Variants in GANC observed in about 807,000 individuals in gnomAD.
GANC encodes the protein glucosidase alpha, neutral C.
GANC carries 117 observed loss-of-function variants against 124.2 expected under a neutral mutation model. The ratio of observed to expected loss-of-function variants is 0.94; its 90% CI spans 0.81 to 1.10. The LOEUF (loss-of-function observed/expected upper bound fraction) is 1.10, where lower values mean the gene tolerates loss of function less well. Among genes scored for constraint, GANC ranks in the 50% least tolerant of loss-of-function variants. The pLI, the probability that GANC is intolerant of heterozygous loss-of-function variation, is 0.00. For synonymous variants in GANC, 377 were observed against 376.8 expected, an observed-to-expected ratio of 1.00 and a Z score of -0.01; for missense variants, 1,140 against 1,095.0, an observed-to-expected ratio of 1.04 and a Z score of -0.58.
chr15:42,304,430 A>G (rs902480539), intron 6 of GANC, among the ~76,000 whole-genome samples: 1 of 152,220 alleles, frequency 6.6e-6, no homozygotes, highest in African/African-American at 2.4e-5. Flanking sequence ...GACCTCTTCA[A>G]GGAGAACTAC....
chr15:42,339,827 G>C lies in GANC; in HGVS notation c.2002G>C (p.Glu668Gln). The C allele has an allele frequency of 6.2e-7, 1 of 1,614,166 alleles. No homozygotes were observed. The highest frequency in any genetic ancestry group is 8.5e-7 in the Non-Finnish European group (1 of 1,180,022). ...GGAGGAACACACCCGACTCATCCGA[G>C]AAGCCATCAGAGAGCGCTATGGCCT... ...FGEEHTRLIR[E>Q]AIRERYGLLP... is the part of the protein sequence containing the mutation. Residue 668 changes from glutamate to glutamine, a missense_variant, in exon 17 of 24, where the codon GAA becomes CAA. Transcript: ENST00000318010.
At chr15:42,343,216 T>G in intron 19 of GANC, 62 bp downstream of exon 19, 1 of 1,399,600 alleles carries the variant, frequency 7.1e-7, no homozygotes, top group Non-Finnish European at 1.0e-6. Context: ...TCTTTTCTTT[T>G]AGGAAAGAGA....
At chr15:42,293,256 A>G (rs2051859597) in intron 5 of GANC, among the ~76,000 whole-genome samples, 2 of 152,218 alleles carry the variant, frequency 1.3e-5, no homozygotes, top group Admixed American at 6.5e-5. Flanking sequence ...CTCCCTTGCA[A>G]TAACACAAAT....
chr15:42,283,781 T>C, intron 3 of GANC: 1 of 702,572 alleles, frequency 1.4e-6, no homozygotes, highest in Non-Finnish European at 2.6e-6. Context: ...CAACTACCGC[T>C]TATTAGCCAG....
At chr15:42,318,602 G>A (rs1189449049) in intron 10 of GANC, among the ~76,000 whole-genome samples, 2 of 152,028 alleles carry the variant, frequency 1.3e-5, no homozygotes, top group Non-Finnish European at 2.9e-5. Flanking sequence ...TTGTTTGTTT[G>A]TTTGAGTCAG....
At chr15:42,333,129 A>G (rs1432525298) in intron 15 of GANC, among the ~76,000 whole-genome samples, 1 of 151,044 alleles carries the variant, frequency 6.6e-6, no homozygotes, top group Non-Finnish European at 1.5e-5. Context: ...GGAGTTTGAG[A>G]CCAGCCTGGG....
intron 15 of GANC, among the ~76,000 whole-genome samples, chr15:42,331,580 C>T (rs889178696): frequency 6.6e-6 from 1 of 152,144 alleles, no homozygotes; most frequent in African/African-American, 2.4e-5. Flanking sequence ...ATTATTAAGC[C>T]TCCCACTCCA....
At position 42,352,476 on chromosome 15, in the gene GANC, G is replaced by A; in HGVS notation, c.*337G>A. The A allele has an allele frequency of 9.5e-7, 1 of 1,049,268 alleles. No individual in the cohort carries two copies. Among genetic ancestry groups the A allele is most frequent in the Non-Finnish European group, 1.2e-6 (1 of 867,710 alleles). The allele number at this position is 1,049,268 out of a possible 1,614,324, so 65.0% of individuals were successfully genotyped here. On this transcript the variant is annotated 3_prime_UTR_variant, in exon 24 of 24. Transcript: ENST00000318010. The stretch of plus-strand genomic sequence containing the variant: ...TTTTAACGTGGGCCAAGCCTACCTG[G>A]GCAGCCCATTTGCCAGGGCTTGCCT...
intron 10 of GANC, among the ~76,000 whole-genome samples, chr15:42,315,857 A>G (rs2052096687): frequency 6.6e-6 from 1 of 152,088 alleles, no homozygotes; most frequent in Non-Finnish European, 1.5e-5. Flanking sequence ...CTTCAGGCTC[A>G]AGCTGCAACA....
intron 3 of GANC, among the ~76,000 whole-genome samples, chr15:42,281,386 GAA>G (rs1258776082): frequency 6.6e-6 from 1 of 152,116 alleles, no homozygotes; most frequent in Non-Finnish European, 1.5e-5. Context: ...ATTGCATAGT[GAA>G]AGAGCCTCTA....
At chr15:42,319,215 A>G (rs1181357556) in intron 10 of GANC, among the ~76,000 whole-genome samples, 2 of 152,014 alleles carry the variant, frequency 1.3e-5, no homozygotes, top group Admixed American at 1.3e-4. Flanking sequence ...AACATTTATT[A>G]TCCTGAAATG....
At chr15:42,316,595 A>C (rs11631756) in intron 10 of GANC, among the ~76,000 whole-genome samples, 138,475 of 152,202 alleles carry the variant, frequency 0.91, 64,353 homozygotes, top group Non-Finnish European at 1. Context: ...CTATGAACTT[A>C]AAAGAGAAAC....
intron 22 of GANC, 68 bp downstream of exon 22, chr15:42,349,563 T>C (rs894508511): frequency 2.4e-5 from 20 of 819,120 alleles, no homozygotes; most frequent in Non-Finnish European, 3.8e-5. Flanking sequence ...CATCCTCAAA[T>C]CAAATGCACA....
Position 42,273,245 on chromosome 15 carries a change from G to T in GANC, c.-1237G>T, listed in dbSNP as rs368047226. ...CTCTAGGTTCAGACGTTAGTGAAGT[G>T]AATACTCACCGACGGTATCGGAATG... On this transcript the variant is annotated 5_prime_UTR_variant, in exon 1 of 24. Coordinates refer to ENST00000318010, the MANE Select transcript of GANC (RefSeq NM_198141.3). The T allele has an allele frequency of 3.1e-6, 5 of 1,613,484 alleles. No homozygotes were observed. Among genetic ancestry groups the T allele is most frequent in the Non-Finnish European group, 4.2e-6 (5 of 1,179,704 alleles).
chr15:42,352,390 A>G lies in GANC; in HGVS notation c.*251A>G. 1.6e-6 allele frequency: 2 copies of G among 1,264,344 alleles called. No homozygotes were observed. The highest frequency in any genetic ancestry group is 6.8e-5 in the Admixed American group (2 of 29,438). 78.3% of individuals were successfully genotyped at this position (1,264,344 alleles called of 1,614,324 possible). A position where few individuals can be genotyped will look rare whatever the true frequency, so the allele number is the denominator to read the frequency against. On this transcript the variant is annotated 3_prime_UTR_variant, in exon 24 of 24. Coordinates refer to ENST00000318010, the MANE Select transcript of GANC (RefSeq NM_198141.3). ...TCTCCCTGATACATAGCCCTGAGAC[A>G]TTTATAGCGTTCAGGAGTCTTCTAT...
chr15:42,350,928 G>A (rs939318065), intron 22 of GANC, among the ~76,000 whole-genome samples: 7 of 151,556 alleles, frequency 4.6e-5, no homozygotes, highest in African/African-American at 1.7e-4. Flanking sequence ...CTGGAGTACA[G>A]TGGTGCGATC....
chr15:42,345,216 A>G (rs146901685), intron 19 of GANC, among the ~76,000 whole-genome samples: 1 of 150,910 alleles, frequency 6.6e-6, no homozygotes, highest in Non-Finnish European at 1.5e-5. Context: ...CTTTGTTTAA[A>G]AAAAAAAAAA....
intron 3 of GANC, among the ~76,000 whole-genome samples, chr15:42,285,400 G>C (rs1458876866): frequency 6.7e-6 from 1 of 149,576 alleles, no homozygotes; most frequent in African/African-American, 2.6e-5. Flanking sequence ...ATATTTAAAA[G>C]AAAGAAAGAA....
At chr15:42,349,529 A>T (rs1595787490) in intron 22 of GANC, 34 bp downstream of exon 22, 2 of 1,237,888 alleles carry the variant, frequency 1.6e-6, no homozygotes, top group East Asian at 2.3e-5. Flanking sequence ...TTGTTTTCTT[A>T]AGTAAATCAC....
Sources: gnomAD v4.1 joint callset for allele counts (sites outside exome capture counted in the v4.1 genomes callset) on GRCh38, gnomAD v4.1.1 for gene constraint, MANE v1.5 for transcripts, NCBI Gene and HGNC (gene_info 2026-07-23, HGNC 2026-07-21) for gene names.